The following XKR4 variants were observed in gnomAD, a reference collection of about 807,000 sequenced individuals.
The protein encoded by XKR4 is XK related 4, also known as XK-related protein 4.
XKR4 carries 12 observed loss-of-function variants against 53.9 expected under a neutral mutation model. That is an observed-to-expected ratio of 0.22 (90% confidence interval 0.14 to 0.36). The LOEUF (loss-of-function observed/expected upper bound fraction) is 0.36, where lower values mean the gene tolerates loss of function less well. Among genes scored for constraint, XKR4 ranks in the 10% least tolerant of loss-of-function variants. XKR4 has a pLI of 1.00. For missense variants in XKR4, 799 were observed against 859.5 expected (o/e 0.93, Z 0.88); for synonymous variants, 354 against 362.4 (o/e 0.98, Z 0.26).
intron 1 of XKR4, among the ~76,000 whole-genome samples, chr8:55,177,979 G>GT (rs1817255831): frequency 1.3e-5 from 2 of 152,172 alleles, no homozygotes. Context: ...TCAGTGCCCT[G>GT]TGGAGGTGCT....
chr8:55,149,169 GTC>G (rs1816808991), intron 1 of XKR4, among the ~76,000 whole-genome samples: 1 of 152,222 alleles, frequency 6.6e-6, no homozygotes, highest in African/African-American at 2.4e-5. Context: ...TGCTGGCTGT[GTC>G]TCTGCCATTC....
intron 2 of XKR4, among the ~76,000 whole-genome samples, chr8:55,519,767 G>T (rs796878302): frequency 2.0e-5 from 3 of 152,274 alleles, no homozygotes; most frequent in African/African-American, 7.2e-5. Flanking sequence ...TTATGTAAGA[G>T]AATGCCCCTA....
At chr8:55,376,975 C>CACACACACAG (rs1554521135) in intron 2 of XKR4, among the ~76,000 whole-genome samples, 4 of 151,290 alleles carry the variant, frequency 2.6e-5, no homozygotes, top group African/African-American at 9.7e-5. Flanking sequence ...CACACACACA[C>CACACACACAG]AGAGAGAGAG....
intron 1 of XKR4, among the ~76,000 whole-genome samples, chr8:55,263,156 T>G (rs1818551781): frequency 6.6e-6 from 1 of 152,200 alleles, no homozygotes; most frequent in African/African-American, 2.4e-5. Flanking sequence ...AGTGATCTCC[T>G]TAAAACTCTT....
chr8:55,140,157 A>G (rs1253622197), intron 1 of XKR4: 4 of 436,868 alleles, frequency 9.2e-6, no homozygotes, highest in Non-Finnish European at 1.8e-5. Flanking sequence ...CTGGGTTGGT[A>G]TCTTGACTGA....
chr8:55,428,783 T>C (rs933024252), intron 2 of XKR4, among the ~76,000 whole-genome samples: 1 of 152,204 alleles, frequency 6.6e-6, no homozygotes, highest in Non-Finnish European at 1.5e-5. Context: ...GAAAGGGATC[T>C]AAGTAAATAA....
intron 2 of XKR4, among the ~76,000 whole-genome samples, chr8:55,449,262 A>G (rs963729578): frequency 6.6e-6 from 1 of 152,066 alleles, no homozygotes; most frequent in East Asian, 1.9e-4. Context: ...TGGACTATTT[A>G]CAGGCCCATT....
In XKR4 at chr8:55,523,440, C is replaced by G; in HGVS notation, c.1166C>G (p.Thr389Arg). Reference protein sequence around the residue: ...HFFTIAARVITFALFASVFQL... With the variant: ...HFFTIAARVIRFALFASVFQL... ...TTCACCATCGCCGCCAGGGTCATCA[C>G]GTTTGCCCTCTTTGCCTCGGTTTTC... The change falls in exon 3 of 3, where the codon ACG becomes AGG. Residue 389 changes from threonine to arginine, a missense_variant. Physicochemically the swap from Thr to Arg is moderately conservative, Grantham distance 71. Around this residue, in one of 3 missense-constraint regions of XKR4, gnomAD observed 54 missense variants for 89.7 expected, o/e 0.60. Coordinates refer to ENST00000327381, the MANE Select transcript of XKR4 (RefSeq NM_052898.2). 1 of 1,614,200 alleles carries G rather than the reference C, an allele frequency of 6.2e-7. No individual in the cohort carries two copies. Among genetic ancestry groups the G allele is most frequent in the Non-Finnish European group, 8.5e-7 (1 of 1,180,034 alleles).
intron 1 of XKR4, among the ~76,000 whole-genome samples, chr8:55,213,932 G>A (rs140244908): frequency 0.011 from 1,274 of 118,798 alleles, 14 homozygotes; most frequent in Middle Eastern, 0.056. Flanking sequence ...TGCAATCTCC[G>A]CCCACTGCAA....
chr8:55,306,096 A>G (rs1819294918), intron 1 of XKR4, among the ~76,000 whole-genome samples: 1 of 152,224 alleles, frequency 6.6e-6, no homozygotes, highest in Non-Finnish European at 1.5e-5. Context: ...AATTTTGTTT[A>G]AAGTGGGGTG....
chr8:55,515,179 T>C lies in XKR4; in HGVS notation c.1007-8102T>C, dbSNP rs144757893. Among the ~76,000 whole-genome samples the C allele has an allele frequency of 4.8e-3, 728 of 152,328 alleles. 7 individuals are homozygous for C. Among genetic ancestry groups the C allele is most frequent in the African/African-American group, 0.016 (672 of 41,580 alleles). On this transcript the variant is annotated intron_variant, in intron 2 of 2. Coordinates refer to ENST00000327381, the MANE Select transcript of XKR4 (RefSeq NM_052898.2). Reference sequence around the variant, plus strand: ...ACTCACAATTTGCCTTGCAAAGAAGTAGAAATCCTCCAAATGGATTACCAA... The same window carrying C: ...ACTCACAATTTGCCTTGCAAAGAAGCAGAAATCCTCCAAATGGATTACCAA...
intron 1 of XKR4, among the ~76,000 whole-genome samples, chr8:55,123,551 C>G (rs1816420848): frequency 6.6e-6 from 1 of 152,230 alleles, no homozygotes; most frequent in Admixed American, 6.5e-5. Flanking sequence ...CTAAGTCTGC[C>G]TGTTGGTTCC....
intron 1 of XKR4, among the ~76,000 whole-genome samples, chr8:55,343,036 T>C (rs751870829): frequency 6.6e-6 from 1 of 152,238 alleles, no homozygotes; most frequent in Non-Finnish European, 1.5e-5. Flanking sequence ...CTTTTGTCTG[T>C]AGGCACAATG....
intron 2 of XKR4, among the ~76,000 whole-genome samples, chr8:55,511,217 C>T (rs1056130348): frequency 2.0e-5 from 3 of 152,144 alleles, no homozygotes; most frequent in Non-Finnish European, 4.4e-5. Flanking sequence ...TTCCTGCTCC[C>T]CCTGAACCCC....
chr8:55,516,814 C>T (rs1355391611), intron 2 of XKR4, among the ~76,000 whole-genome samples: 1 of 152,160 alleles, frequency 6.6e-6, no homozygotes, highest in African/African-American at 2.4e-5. Flanking sequence ...TGAAAAGACA[C>T]CTGCACTTGT....
At chr8:55,333,238 G>T (rs773816683) in intron 1 of XKR4, among the ~76,000 whole-genome samples, 3 of 152,008 alleles carry the variant, frequency 2.0e-5, no homozygotes, top group Non-Finnish European at 4.4e-5. Context: ...CTTCGGGGTT[G>T]GTTTCTGGAG....
intron 2 of XKR4, among the ~76,000 whole-genome samples, chr8:55,360,165 T>G (rs1275791772): frequency 8.5e-5 from 13 of 152,222 alleles, no homozygotes; most frequent in Admixed American, 7.2e-4. Context: ...TGCTACTGAT[T>G]TTTTAACAAG....
At chr8:55,481,153 A>G (rs148553621) in intron 2 of XKR4, among the ~76,000 whole-genome samples, 3 of 151,594 alleles carry the variant, frequency 2.0e-5, no homozygotes, top group Non-Finnish European at 4.4e-5. Flanking sequence ...AAACTATACT[A>G]CAAGGCTACA....
At chr8:55,406,873 T>A (rs1235518580) in intron 2 of XKR4, among the ~76,000 whole-genome samples, 1 of 151,984 alleles carries the variant, frequency 6.6e-6, no homozygotes, top group Admixed American at 6.6e-5. Context: ...CTTTAGAGAG[T>A]CAGTACAGAA....
Sources: gnomAD v4.1 joint callset for allele counts (sites outside exome capture counted in the v4.1 genomes callset) on GRCh38, gnomAD v4.1.1 for gene constraint, gnomAD v4.1.1 regional missense constraint, MANE v1.5 for transcripts, NCBI Gene and HGNC (gene_info 2026-07-23, HGNC 2026-07-21) for gene names.